Variants in AOAH observed in about 807,000 individuals in gnomAD.
AOAH encodes the protein acyloxyacyl hydrolase (neutrophil).
Under a neutral mutation model 92.2 loss-of-function variants are expected in AOAH, and 64 were observed. The ratio of observed to expected loss-of-function variants is 0.69; its 90% CI spans 0.57 to 0.86. The LOEUF (loss-of-function observed/expected upper bound fraction) is 0.86, where lower values mean the gene tolerates loss of function less well. Among genes scored for constraint, AOAH ranks in the 40% least tolerant of loss-of-function variants. The pLI, the probability that AOAH is intolerant of heterozygous loss-of-function variation, is 0.00. For synonymous variants in AOAH, 263 were observed against 254.5 expected, an observed-to-expected ratio of 1.03 and a Z score of -0.32; for missense variants, 656 against 694.6, an observed-to-expected ratio of 0.94 and a Z score of 0.62.
At chr7:36,713,675 C>T (rs1798927001) in intron 1 of AOAH, among the ~76,000 whole-genome samples, 1 of 152,206 alleles carries the variant, frequency 6.6e-6, no homozygotes, top group Non-Finnish European at 1.5e-5. Flanking sequence ...TTAAGAAACT[C>T]ACTCAAAACT....
intron 1 of AOAH, among the ~76,000 whole-genome samples, chr7:36,700,201 A>G (rs540985255): frequency 1.4e-3 from 219 of 152,114 alleles, no homozygotes; most frequent in African/African-American, 5.2e-3. Context: ...GTATACATAT[A>G]AGGGGTATAA....
At chr7:36,521,975 A>G (rs1784127263) in intron 20 of AOAH, 64 bp downstream of exon 20, 3 of 1,362,374 alleles carry the variant, frequency 2.2e-6, no homozygotes, top group Non-Finnish European at 3.2e-6. Context: ...TGAATGTGTA[A>G]CCATAATTAA....
chr7:36,579,981 T>C (rs1439355182), intron 12 of AOAH, among the ~76,000 whole-genome samples: 1 of 152,202 alleles, frequency 6.6e-6, no homozygotes, highest in African/African-American at 2.4e-5. Context: ...CTCCCCAGCA[T>C]TGTTAAGTAT....
chr7:36,677,027 T>C (rs1796292716), intron 2 of AOAH, among the ~76,000 whole-genome samples: 2 of 152,004 alleles, frequency 1.3e-5, no homozygotes, highest in Middle Eastern at 3.2e-3. Flanking sequence ...TAGGCAACGT[T>C]TTCTTAGATA....
chr7:36,542,138 G>C (rs1197522779), intron 15 of AOAH, among the ~76,000 whole-genome samples: 1 of 152,176 alleles, frequency 6.6e-6, no homozygotes, highest in Non-Finnish European at 1.5e-5. Context: ...AAGAAGAGGA[G>C]AGGACACACA....
At chr7:36,683,316 A>G (rs1680992632) in intron 2 of AOAH, among the ~76,000 whole-genome samples, 1 of 152,152 alleles carries the variant, frequency 6.6e-6, no homozygotes, top group African/African-American at 2.4e-5. Flanking sequence ...TTTAGACAAC[A>G]ATTCAACTAG....
intron 13 of AOAH, among the ~76,000 whole-genome samples, chr7:36,560,986 C>G (rs961938583): frequency 6.6e-6 from 1 of 150,930 alleles, no homozygotes; most frequent in African/African-American, 2.4e-5. Context: ...GACACAGCCT[C>G]AATACTTTCT....
intron 16 of AOAH, among the ~76,000 whole-genome samples, chr7:36,535,784 A>G (rs1195529710): frequency 6.6e-6 from 1 of 152,176 alleles, no homozygotes. Flanking sequence ...CTTTTCTCAA[A>G]AGCACAGAGT....
At chr7:36,594,279 C>G in intron 12 of AOAH, 60 bp downstream of exon 12, 4 of 1,354,604 alleles carry the variant, frequency 3.0e-6, no homozygotes, top group Non-Finnish European at 3.2e-6. Context: ...CAACCCCCAT[C>G]TCTTGTTCTT....
intron 3 of AOAH, among the ~76,000 whole-genome samples, chr7:36,663,567 C>T (rs570140714): frequency 2.0e-5 from 3 of 152,190 alleles, no homozygotes; most frequent in Non-Finnish European, 4.4e-5. Flanking sequence ...AATCATACTG[C>T]ATGTAGCCTT....
At chr7:36,531,402 A>C (rs1320276576) in intron 18 of AOAH, among the ~76,000 whole-genome samples, 3 of 152,166 alleles carry the variant, frequency 2.0e-5, no homozygotes, top group African/African-American at 7.2e-5. Context: ...GCTGGAATGC[A>C]ATGGCGCGAT....
chr7:36,551,076 C>CTTTTTTT (rs11373192), intron 13 of AOAH, among the ~76,000 whole-genome samples: 1 of 136,956 alleles, frequency 7.3e-6, no homozygotes, highest in African/African-American at 2.7e-5. Flanking sequence ...TCATTTCTTT[C>CTTTTTTT]TTTTTTTTTT....
In AOAH at chr7:36,551,638, T is replaced by A. The variant is rs200704439; in HGVS notation, c.1022-2163A>T. On this transcript the variant is annotated intron_variant, in intron 13 of 20. Coordinates refer to ENST00000617537, the MANE Select transcript of AOAH (RefSeq NM_001637.4). ...CATACTTGTCCTTTTGGGTCTGGTT[T>A]ATTTTACTCAGTATAATGTCCTCAA... Among the ~76,000 whole-genome samples the A allele has an allele frequency of 2.6e-5, 4 of 152,230 alleles. No individual in the cohort carries two copies. The East Asian group carries it at 7.7e-4, about 29-fold the overall frequency.
intron 10 of AOAH, 80 bp from the exon 11 acceptor site, chr7:36,616,554 T>G: frequency 8.8e-7 from 1 of 1,137,102 alleles, no homozygotes; most frequent in African/African-American, 1.5e-5. Flanking sequence ...TAAGAGCGGA[T>G]ACCCTAGTGT....
chr7:36,517,936 CACACACACCCACACA>C (rs1783896181), intron 20 of AOAH, among the ~76,000 whole-genome samples: 5 of 54,056 alleles, frequency 9.2e-5, no homozygotes, highest in Admixed American at 3.6e-4. Flanking sequence ...CACACCCACA[CACACACACCCACACA>C]CACACACACA....
chr7:36,655,980 G>A (rs1470611223), intron 4 of AOAH, among the ~76,000 whole-genome samples: 1 of 152,170 alleles, frequency 6.6e-6, no homozygotes, highest in African/African-American at 2.4e-5. Context: ...TGTAAGCTGA[G>A]CCATGAACGA....
rs1003211121 is a variant in AOAH at position 36,513,203 on chromosome 7, C to T, written c.*49G>A. 3.1e-6 allele frequency: 5 copies of T among 1,614,000 alleles called. No homozygotes were observed. The highest frequency in any genetic ancestry group is 3.3e-4 in the Middle Eastern group (2 of 6,084). Reference sequence around the variant, plus strand: ...ATAGGGTTTGTGGAATGAGTTTACCCAAGCCTCTGCCTCCCTGTGCTCCCC... The same window carrying T: ...ATAGGGTTTGTGGAATGAGTTTACCTAAGCCTCTGCCTCCCTGTGCTCCCC... On this transcript the variant is annotated 3_prime_UTR_variant, in exon 21 of 21. Coordinates refer to ENST00000617537, the MANE Select transcript of AOAH (RefSeq NM_001637.4).
chr7:36,703,729 G>T (rs994146739), intron 1 of AOAH, among the ~76,000 whole-genome samples: 3 of 151,998 alleles, frequency 2.0e-5, no homozygotes. Flanking sequence ...CGAAGTCATT[G>T]GTTCCAAGTC....
At chr7:36,637,952 T>C (rs1490914220) in intron 4 of AOAH, 42 bp from the exon 5 acceptor site, 12 of 1,492,368 alleles carry the variant, frequency 8.0e-6, no homozygotes, top group African/African-American at 4.2e-5. Flanking sequence ...TCATGTTTTA[T>C]CTTTTCTTCC....
Sources: allele counts gnomAD v4.1 joint callset (sites outside exome capture counted in the v4.1 genomes callset), GRCh38; gene constraint gnomAD v4.1.1; transcripts MANE v1.5; gene names NCBI Gene and HGNC (gene_info 2026-07-23, HGNC 2026-07-21).